Variants in GRID1 observed in about 807,000 individuals in gnomAD.
GRID1 encodes the protein glutamate receptor ionotropic, delta-1.
In GRID1, 28 loss-of-function variants were observed where a neutral mutation model predicts 98.0. The ratio of observed to expected loss-of-function variants is 0.29; its 90% CI spans 0.21 to 0.39. GRID1 has a LOEUF of 0.39. Ranked by LOEUF, GRID1 falls within the 10% of genes least tolerant of loss-of-function variation. The pLI is 1.00. For missense variants in GRID1, 1,111 were observed against 1,340.5 expected (o/e 0.83, Z 2.67); for synonymous variants, 553 against 538.5 (o/e 1.03, Z -0.37).
chr10:85,608,989 C>G (rs575290695), intron 15 of GRID1, among the ~76,000 whole-genome samples: 1 of 152,100 alleles, frequency 6.6e-6, no homozygotes, highest in African/African-American at 2.4e-5. Flanking sequence ...AGCCAGGATC[C>G]AGGAGCCTGG....
At chr10:86,026,111 A>C (rs1004104278) in intron 4 of GRID1, among the ~76,000 whole-genome samples, 1 of 152,204 alleles carries the variant, frequency 6.6e-6, no homozygotes, top group African/African-American at 2.4e-5. Context: ...TTTGATGATA[A>C]TTCGCTCCAA....
intron 12 of GRID1, among the ~76,000 whole-genome samples, chr10:85,695,826 C>G (rs1429554167): frequency 1.3e-5 from 2 of 152,048 alleles, no homozygotes; most frequent in Non-Finnish European, 2.9e-5. Context: ...CTGTAAAGAG[C>G]ATGTAACCCA....
chr10:85,915,346 GCA>G (rs1049030672), intron 5 of GRID1, among the ~76,000 whole-genome samples: 10 of 151,826 alleles, frequency 6.6e-5, no homozygotes, highest in South Asian at 2.1e-4. Flanking sequence ...ACACACTCAT[GCA>G]CACACACTCA....
intron 13 of GRID1, among the ~76,000 whole-genome samples, chr10:85,629,720 T>C (rs1333794882): frequency 2.0e-5 from 3 of 152,210 alleles, no homozygotes; most frequent in Non-Finnish European, 4.4e-5. Flanking sequence ...ATAATTTTCT[T>C]TGAATAGATA....
intron 4 of GRID1, among the ~76,000 whole-genome samples, chr10:86,124,176 C>G (rs970269801): frequency 1.8e-4 from 27 of 152,198 alleles, no homozygotes; most frequent in Non-Finnish European, 2.8e-4. Flanking sequence ...AACACCTTAA[C>G]CCTGGTCCCT....
chr10:86,100,207 C>T (rs1257089621), intron 4 of GRID1, among the ~76,000 whole-genome samples: 2 of 152,170 alleles, frequency 1.3e-5, no homozygotes, highest in Non-Finnish European at 2.9e-5. Flanking sequence ...ATTGTAATCA[C>T]ACACATAACT....
chr10:86,308,771 A>G (rs1390780165), intron 2 of GRID1, among the ~76,000 whole-genome samples: 4 of 152,294 alleles, frequency 2.6e-5, no homozygotes, highest in Non-Finnish European at 2.9e-5. Flanking sequence ...ACATCATCTC[A>G]TAGCAGAAGG....
At chr10:85,777,587 T>A (rs1842343895) in intron 8 of GRID1, among the ~76,000 whole-genome samples, 1 of 152,238 alleles carries the variant, frequency 6.6e-6, no homozygotes, top group Non-Finnish European at 1.5e-5. Flanking sequence ...GAAGTTCTCA[T>A]CATGTGTCTT....
At chr10:85,941,433 A>G (rs1841996254) in intron 4 of GRID1, among the ~76,000 whole-genome samples, 1 of 152,266 alleles carries the variant, frequency 6.6e-6, no homozygotes, top group South Asian at 2.1e-4. Context: ...GTGAACATAT[A>G]TGCATAGACA....
chr10:86,002,886 T>C (rs748853775), intron 4 of GRID1, among the ~76,000 whole-genome samples: 19 of 152,210 alleles, frequency 1.2e-4, no homozygotes, highest in African/African-American at 4.3e-4. Flanking sequence ...GATACAAAGA[T>C]AAACAGAAGA....
chr10:85,717,807 C>T (rs559984024), intron 12 of GRID1, among the ~76,000 whole-genome samples: 1 of 152,276 alleles, frequency 6.6e-6, no homozygotes, highest in African/African-American at 2.4e-5. Context: ...TAGTTACTTC[C>T]TAGATACAAT....
intron 8 of GRID1, among the ~76,000 whole-genome samples, chr10:85,762,786 C>T (rs748560662): frequency 2.0e-5 from 3 of 152,160 alleles, no homozygotes; most frequent in Admixed American, 6.5e-5. Flanking sequence ...CAGTTTGGAG[C>T]GTGGGAAGAA....
At chr10:86,007,113 C>G (rs117667612) in intron 4 of GRID1, among the ~76,000 whole-genome samples, 2 of 152,112 alleles carry the variant, frequency 1.3e-5, no homozygotes, top group African/African-American at 2.4e-5. Flanking sequence ...TAAATAGGTA[C>G]AGAAGAGCTT....
intron 8 of GRID1, among the ~76,000 whole-genome samples, chr10:85,786,547 C>T (rs147740480): frequency 5.9e-5 from 9 of 152,308 alleles, no homozygotes; most frequent in Non-Finnish European, 1.2e-4. Context: ...CACATTGGAA[C>T]CACGTGGGCC....
intron 12 of GRID1, among the ~76,000 whole-genome samples, chr10:85,688,248 G>A (rs540453827): frequency 1.3e-5 from 2 of 152,286 alleles, no homozygotes; most frequent in South Asian, 4.1e-4. Flanking sequence ...CATTGCCTTT[G>A]GTGTCTACTG....
chr10:85,812,375 T>A (rs1842679475), intron 8 of GRID1, among the ~76,000 whole-genome samples: 1 of 152,090 alleles, frequency 6.6e-6, no homozygotes, highest in Admixed American at 6.5e-5. Flanking sequence ...ATTACAAACC[T>A]GGAACTTGAT....
intron 12 of GRID1, among the ~76,000 whole-genome samples, chr10:85,676,445 C>A (rs954016989): frequency 2.0e-5 from 3 of 152,188 alleles, no homozygotes; most frequent in African/African-American, 7.2e-5. Flanking sequence ...TTGCTTAGCA[C>A]GTTTTCCCTG....
At chr10:85,732,545 G>T (rs1841837725) in intron 8 of GRID1, among the ~76,000 whole-genome samples, 1 of 152,100 alleles carries the variant, frequency 6.6e-6, no homozygotes. Flanking sequence ...AGAAACAGTT[G>T]GGATGAAGCC....
chr10:85,765,012 T>A (rs865835957), intron 8 of GRID1, among the ~76,000 whole-genome samples: 2 of 152,324 alleles, frequency 1.3e-5, no homozygotes, highest in African/African-American at 4.8e-5. Flanking sequence ...TCTTTATACC[T>A]GATATTTATT....
Sources: allele counts gnomAD v4.1 joint callset (sites outside exome capture counted in the v4.1 genomes callset), GRCh38; gene constraint gnomAD v4.1.1; transcripts MANE v1.5; gene names NCBI Gene and HGNC (gene_info 2026-07-23, HGNC 2026-07-21).